The following MITD1 variants were observed in gnomAD, a reference collection of about 807,000 sequenced individuals.
The protein encoded by MITD1 is MIT domain-containing protein 1.
MITD1 carries 24 observed loss-of-function variants against 34.9 expected under a neutral mutation model. That is an observed-to-expected ratio of 0.69 (90% CI 0.50 to 0.97). The LOEUF is 0.97. Among genes scored for constraint, MITD1 ranks in the 50% least tolerant of loss-of-function variants. MITD1 has a pLI of 0.00. For synonymous variants in MITD1, 102 were observed against 101.4 expected (o/e 1.01, Z -0.04); for missense variants, 266 against 294.6 (o/e 0.90, Z 0.71).
chr2:99,169,486 A>G lies in MITD1; in HGVS notation c.655-16T>C. On this transcript the variant is annotated splice_polypyrimidine_tract_variant and intron_variant, in intron 6 of 6. Transcript: ENST00000289359. The stretch of plus-strand genomic sequence containing the variant: ...AAAAACGACTCTAAGAAGAGAAGAA[A>G]AGAGTATCATTAAAAATGATACAAA... The G allele has an allele frequency of 6.2e-7, 1 of 1,606,714 alleles. No homozygotes were observed. The highest frequency in any genetic ancestry group is 8.5e-7 in the Non-Finnish European group (1 of 1,174,582).
In MITD1 at chr2:99,173,988, AT is replaced by A; in HGVS notation, c.179del (p.Asn60IlefsTer16). 6.3e-7 allele frequency: 1 copy of A among 1,582,958 alleles called. No homozygotes were observed. Among genetic ancestry groups the A allele is most frequent in the Non-Finnish European group, 8.7e-7 (1 of 1,153,750 alleles). On this transcript the variant is annotated frameshift_variant, in exon 2 of 7. Coordinates refer to ENST00000289359, the MANE Select transcript of MITD1 (RefSeq NM_138798.3). LOFTEE classifies it high-confidence loss of function. ...TGTATTTGGAAATTTTTTCTCTGAG[AT>A]TACATCTCTTAGTATTATCTTTGGT... ...KGTKDNTKRCNLREKISKYMD... is the reference protein window; with the variant it reads ...KGTKDNTKRCXLREKISKYMD...
rs139388108 is a variant in MITD1 at position 99,180,967 on chromosome 2, C to A, written c.15G>T (p.Gly5=). 1.9e-6 allele frequency: 3 copies of A among 1,613,634 alleles called. No homozygotes were observed. The highest frequency in any genetic ancestry group is 2.5e-6 in the Non-Finnish European group (3 of 1,179,736). ...CTGTGCTCTGCGGGTCCTGCCTCAG[C>A]CCGGACTTCGCCATAATTCTGGAAG... is the stretch of plus-strand genomic sequence containing the variant. MAKS[G]LRQDPQSTAA... Residue 5 remains glycine, a synonymous_variant, in exon 1 of 7, where the codon GGG becomes GGT. Transcript: ENST00000289359.
intron 1 of MITD1, 41 bp downstream of exon 1, chr2:99,180,790 T>C: frequency 1.3e-6 from 2 of 1,556,228 alleles, no homozygotes; most frequent in African/African-American, 1.4e-5. Context: ...AGGAACCAGC[T>C]CCTTTTCCTC....
chr2:99,177,251 A>G (rs1447159442), intron 1 of MITD1, among the ~76,000 whole-genome samples: 1 of 152,096 alleles, frequency 6.6e-6, no homozygotes, highest in Admixed American at 6.6e-5. Flanking sequence ...TCCTTCAATC[A>G]TTACGCTACA....
At chr2:99,171,776 TGAA>T in intron 2 of MITD1, 130 bp from the exon 3 acceptor site, 1 of 822,510 alleles carries the variant, frequency 1.2e-6, no homozygotes, top group Non-Finnish European at 1.9e-6. Context: ...AAATACTTAT[TGAA>T]TGCCTACTAA....
At chr2:99,173,382 G>A (rs1048120158) in intron 2 of MITD1, 8 of 417,740 alleles carry the variant, frequency 1.9e-5, no homozygotes, top group Admixed American at 1.5e-4. Context: ...ATGCTTAGGA[G>A]TAGGGAACTA....
chr2:99,179,885 C>G (rs2093906843), intron 1 of MITD1, among the ~76,000 whole-genome samples: 1 of 152,070 alleles, frequency 6.6e-6, no homozygotes, highest in Non-Finnish European at 1.5e-5. Flanking sequence ...TAGTTCTGAC[C>G]AAAGCACCAA....
In MITD1 at chr2:99,171,629, G is replaced by A; in HGVS notation, c.271C>T (p.Gln91Ter). The A allele has an allele frequency of 1.9e-6, 3 of 1,612,804 alleles. No homozygotes were observed. The highest frequency in any genetic ancestry group is 2.5e-6 in the Non-Finnish European group (3 of 1,179,566). ...QEKEDGKYHK[Q>*]IKIEENATGF... ...GTTGCATTCTCTTCTATTTTAATTT[G>A]CTTGTGATATTTTCCATCTATAAAA... The change falls in exon 3 of 7, where the codon CAA becomes TAA. Residue 91 changes from glutamine (Q) to a stop codon, truncating the protein, a stop_gained. Coordinates refer to ENST00000289359, the MANE Select transcript of MITD1 (RefSeq NM_138798.3). LOFTEE classifies it high-confidence loss of function.
Position 99,180,994 on chromosome 2 carries a change from TCTC to T in MITD1, c.-16_-14del, listed in dbSNP as rs781288449. The stretch of plus-strand genomic sequence containing the variant: ...CGGACTTCGCCATAATTCTGGAAGT[TCTC>T]CTCCGCCTCAACCCAGGATGAAGTT... On this transcript the variant is annotated 5_prime_UTR_variant, in exon 1 of 7. Coordinates refer to ENST00000289359, the MANE Select transcript of MITD1 (RefSeq NM_138798.3). 3 of 1,611,308 alleles carry T rather than the reference TCTC, an allele frequency of 1.9e-6. No homozygotes were observed. Among genetic ancestry groups the T allele is most frequent in the African/African-American group, 1.3e-5 (1 of 74,998 alleles).
chr2:99,161,957 C>T (rs761915155), exon 8 of MITD1: 6 of 1,569,342 alleles, frequency 3.8e-6, no homozygotes, highest in Admixed American at 3.9e-5. Context: ...TTTTTAAAAG[C>T]ATGCTGATCC....
chr2:99,171,474 TATG>T lies in MITD1; in HGVS notation c.390+33_390+35del, dbSNP rs778524447. On this transcript the variant is annotated intron_variant, in intron 3 of 6. Transcript: ENST00000289359. The stretch of plus-strand genomic sequence containing the variant: ...ATTATTACTAATTTAGTACATTGAA[TATG>T]ATATTTCATTATATTTTAGTATGTT... 9.4e-6 allele frequency: 15 copies of T among 1,595,864 alleles called. No homozygotes were observed. The African/African-American group carries it at 1.5e-4, about 16-fold the overall frequency.
At position 99,171,505 on chromosome 2, in the gene MITD1, C is replaced by T. The variant is rs764601235; in HGVS notation, c.390+5G>A. 6.2e-6 allele frequency: 10 copies of T among 1,605,082 alleles called. No homozygotes were observed. On this transcript the variant is annotated splice_donor_5th_base_variant and intron_variant, in intron 3 of 6. Transcript: ENST00000289359. ...ATTTCATTATATTTTAGTATGTTCA[C>T]ATACCTGATGAGTATGTCTAATATA... is the stretch of plus-strand genomic sequence containing the variant.
At chr2:99,176,683 T>C (rs1186672864) in intron 1 of MITD1, among the ~76,000 whole-genome samples, 1 of 146,298 alleles carries the variant, frequency 6.8e-6, no homozygotes, top group East Asian at 2.1e-4. Context: ...CGTGTGTGTG[T>C]GCGCGTGTGT....
chr2:99,180,754 C>G, intron 1 of MITD1, 77 bp downstream of exon 1: 1 of 1,267,154 alleles, frequency 7.9e-7, no homozygotes, highest in East Asian at 2.4e-5. Context: ...TCATTTTTAA[C>G]TCTTTCACTT....
chr2:99,168,308 A>AT (rs1344889252), downstream of MITD1, among the ~76,000 whole-genome samples: 5 of 151,996 alleles, frequency 3.3e-5, no homozygotes, highest in Admixed American at 1.3e-4. Flanking sequence ...CGGCTGGCTA[A>AT]TTTTGTATTT....
At chr2:99,168,096 A>C (rs2093835181), downstream of MITD1, among the ~76,000 whole-genome samples, 1 of 152,124 alleles carries the variant, frequency 6.6e-6, no homozygotes, top group Admixed American at 6.6e-5. Context: ...CACTGGTACT[A>C]TAGTTTTCCT....
At chr2:99,170,160 TTAA>T (rs2093847674) in intron 5 of MITD1, among the ~76,000 whole-genome samples, 1 of 152,204 alleles carries the variant, frequency 6.6e-6, no homozygotes, top group South Asian at 2.1e-4. Context: ...ACTAGAATAT[TTAA>T]TAACCCCTAA....
At chr2:99,164,185 G>C (rs1310919213) in intron 7 of MITD1, among the ~76,000 whole-genome samples, 1 of 152,136 alleles carries the variant, frequency 6.6e-6, no homozygotes, top group Non-Finnish European at 1.5e-5. Flanking sequence ...TCATTCTTAA[G>C]GGGAATGTTT....
At chr2:99,180,631 C>A in intron 1 of MITD1, 200 bp downstream of exon 1, 1 of 552,106 alleles carries the variant, frequency 1.8e-6, no homozygotes, top group Admixed American at 3.2e-5. Flanking sequence ...TAGTAGCCTC[C>A]CCACCTTTTC....
Sources: gnomAD v4.1 joint callset for allele counts (sites outside exome capture counted in the v4.1 genomes callset) on GRCh38, gnomAD v4.1.1 for gene constraint, MANE v1.5 for transcripts, NCBI Gene and HGNC (gene_info 2026-07-23, HGNC 2026-07-21) for gene names.